The following TOX variants were observed in gnomAD, a reference collection of about 807,000 sequenced individuals.
The protein encoded by TOX is thymocyte selection-associated high mobility group box protein TOX.
Under a neutral mutation model 53.7 loss-of-function variants are expected in TOX, and 11 were observed. The ratio of observed to expected loss-of-function variants is 0.20; its 90% CI spans 0.13 to 0.34. The LOEUF (loss-of-function observed/expected upper bound fraction) is 0.34. Ranked by LOEUF, TOX falls within the 10% of genes least tolerant of loss-of-function variation. TOX has a pLI of 1.00. For missense variants in TOX, 570 were observed against 664.6 expected (o/e 0.86, Z 1.56); for synonymous variants, 225 against 245.3 (o/e 0.92, Z 0.77).
At chr8:58,991,344 C>A (rs368733883) in intron 1 of TOX, among the ~76,000 whole-genome samples, 28 of 152,140 alleles carry the variant, frequency 1.8e-4, no homozygotes, top group African/African-American at 5.3e-4. Flanking sequence ...TCACTTTCTC[C>A]CTCGAGCACT....
chr8:58,947,600 T>C (rs1013077363), intron 2 of TOX, among the ~76,000 whole-genome samples: 6 of 152,246 alleles, frequency 3.9e-5, no homozygotes, highest in Admixed American at 3.3e-4. Context: ...AATCTCTCTA[T>C]ACTAGGAAAA....
intron 1 of TOX, among the ~76,000 whole-genome samples, chr8:59,098,955 T>C (rs75262813): frequency 0.014 from 2,116 of 152,318 alleles, 42 homozygotes; most frequent in African/African-American, 0.049. Flanking sequence ...GCCAACATGT[T>C]ATGATGGAAC....
chr8:59,026,123 T>TA (rs368995563), intron 1 of TOX, among the ~76,000 whole-genome samples: 487 of 51,268 alleles, frequency 9.5e-3, no homozygotes, highest in Non-Finnish European at 0.016. Context: ...TAATTTTATG[T>TA]TTTTTTTTTC....
intron 4 of TOX, among the ~76,000 whole-genome samples, chr8:58,842,900 G>C (rs1026412202): frequency 5.3e-5 from 8 of 152,230 alleles, no homozygotes; most frequent in African/African-American, 1.7e-4. Flanking sequence ...TGGAGGGCTA[G>C]CTGGATGCAA....
chr8:58,949,487 CA>C (rs1396405029), intron 2 of TOX, among the ~76,000 whole-genome samples: 5 of 152,042 alleles, frequency 3.3e-5, no homozygotes, highest in Non-Finnish European at 7.4e-5. Flanking sequence ...AATGCTTGCT[CA>C]AGAAGAAACC....
At chr8:59,086,413 GA>G (rs1291611465) in intron 1 of TOX, among the ~76,000 whole-genome samples, 1 of 152,176 alleles carries the variant, frequency 6.6e-6, no homozygotes, top group African/African-American at 2.4e-5. Context: ...CCAGAAGACA[GA>G]ATCCGGCCTA....
intron 4 of TOX, among the ~76,000 whole-genome samples, chr8:58,847,089 A>G (rs1297373094): frequency 6.6e-6 from 1 of 152,172 alleles, no homozygotes; most frequent in African/African-American, 2.4e-5. Flanking sequence ...AATATGTGGC[A>G]GAAACAAATA....
At chr8:58,911,303 G>C (rs1299924099) in intron 3 of TOX, among the ~76,000 whole-genome samples, 1 of 152,156 alleles carries the variant, frequency 6.6e-6, no homozygotes, top group Non-Finnish European at 1.5e-5. Flanking sequence ...GAGATTGTTA[G>C]AAATGTCTAG....
At chr8:58,863,454 G>A (rs965092363) in intron 3 of TOX, among the ~76,000 whole-genome samples, 9 of 152,114 alleles carry the variant, frequency 5.9e-5, no homozygotes, top group African/African-American at 1.9e-4. Flanking sequence ...TGTTACAGTC[G>A]CCACTGCCAT....
At chr8:59,092,248 T>C (rs1337864913) in intron 1 of TOX, among the ~76,000 whole-genome samples, 1 of 96,760 alleles carries the variant, frequency 1.0e-5, no homozygotes, top group Non-Finnish European at 2.0e-5. Flanking sequence ...CAAGACTCCA[T>C]CTCATATATA....
At chr8:58,978,073 G>C (rs541451275) in intron 1 of TOX, among the ~76,000 whole-genome samples, 24 of 152,218 alleles carry the variant, frequency 1.6e-4, no homozygotes, top group African/African-American at 5.8e-4. Context: ...ATAAAATGGG[G>C]GTATGTCTGT....
intron 6 of TOX, among the ~76,000 whole-genome samples, chr8:58,819,516 C>A (rs147870868): frequency 6.6e-6 from 1 of 152,120 alleles, no homozygotes. Flanking sequence ...AAGTGGGGGT[C>A]GTGGCCATAG....
chr8:59,104,646 A>G (rs930800178), intron 1 of TOX, among the ~76,000 whole-genome samples: 2 of 152,232 alleles, frequency 1.3e-5, no homozygotes, highest in Non-Finnish European at 2.9e-5. Context: ...CTTCCGGGAG[A>G]TAACGTTCTA....
At chr8:58,961,830 C>A (rs1398397148) in intron 1 of TOX, among the ~76,000 whole-genome samples, 6 of 152,174 alleles carry the variant, frequency 3.9e-5, no homozygotes, top group Non-Finnish European at 7.3e-5. Context: ...CTTTTCAACA[C>A]AAAGATAGGC....
chr8:58,863,917 G>C (rs1047986184), intron 3 of TOX, among the ~76,000 whole-genome samples: 9 of 152,064 alleles, frequency 5.9e-5, no homozygotes, highest in Non-Finnish European at 1.0e-4. Flanking sequence ...AGAGAATAAT[G>C]CTGCAACAAG....
At chr8:58,950,221 A>G (rs1314304929) in intron 2 of TOX, among the ~76,000 whole-genome samples, 1 of 151,632 alleles carries the variant, frequency 6.6e-6, no homozygotes. Context: ...CGTGTAATAT[A>G]CAATTACATG....
chr8:59,060,443 C>T (rs1037526267), intron 1 of TOX, among the ~76,000 whole-genome samples: 2 of 152,076 alleles, frequency 1.3e-5, no homozygotes, highest in South Asian at 2.1e-4. Context: ...CTGGCCAACA[C>T]GGTGAAACCC....
chr8:59,043,956 A>C (rs891555968), intron 1 of TOX, among the ~76,000 whole-genome samples: 2 of 152,190 alleles, frequency 1.3e-5, no homozygotes, highest in Admixed American at 6.5e-5. Context: ...GAACCCCAAG[A>C]GGTCCCCTAA....
Position 58,959,820 on chromosome 8 carries a change from G to T in TOX, c.168+123C>A, listed in dbSNP as rs1198912284. 6 of 1,094,250 alleles carry T rather than the reference G, an allele frequency of 5.5e-6. No individual in the cohort carries two copies. The East Asian group carries it at 1.3e-4, about 23-fold the overall frequency. 67.8% of individuals were successfully genotyped at this position (1,094,250 alleles called of 1,614,324 possible). ...ACTGGAAACAAGGCTTAAATGCTTT[G>T]TTTATAAATTATGATTATTCCTGAT... On this transcript the variant is annotated intron_variant, in intron 2 of 8. Coordinates refer to ENST00000361421, the MANE Select transcript of TOX (RefSeq NM_014729.3).
Sources: gnomAD v4.1 joint callset for allele counts (sites outside exome capture counted in the v4.1 genomes callset) on GRCh38, gnomAD v4.1.1 for gene constraint, MANE v1.5 for transcripts, NCBI Gene and HGNC (gene_info 2026-07-23, HGNC 2026-07-21) for gene names.